Variants in CNTN6 observed in about 807,000 individuals in gnomAD.
CNTN6 encodes contactin 6, also known as contactin-6.
In CNTN6, 137 loss-of-function variants were observed where a neutral mutation model predicts 122.8. The observed-to-expected ratio is 1.12, with a 90% CI of 0.97 to 1.29. The LOEUF (loss-of-function observed/expected upper bound fraction) is 1.29, where lower values mean the gene tolerates loss of function less well. Ranked by LOEUF, CNTN6 falls within the 50% of genes most tolerant of loss-of-function variation. CNTN6 has a pLI of 0.00. For synonymous variants in CNTN6, 570 were observed against 426.0 expected (o/e 1.34, Z -4.16); for missense variants, 1,634 against 1,223.4 (o/e 1.34, Z -5.01).
chr3:1,194,892 A>T (rs1011855227), intron 2 of CNTN6, among the ~76,000 whole-genome samples: 1 of 151,970 alleles, frequency 6.6e-6, no homozygotes, highest in African/African-American at 2.4e-5. Flanking sequence ...TGATGCTTTG[A>T]CATCTAGGGA....
chr3:1,237,814 A>T (rs1441660365), intron 4 of CNTN6, among the ~76,000 whole-genome samples: 1 of 152,184 alleles, frequency 6.6e-6, no homozygotes, highest in Non-Finnish European at 1.5e-5. Context: ...TTCATAAATG[A>T]AGGAAAGACA....
intron 4 of CNTN6, among the ~76,000 whole-genome samples, chr3:1,245,614 A>G (rs2094572516): frequency 6.6e-6 from 1 of 151,132 alleles, no homozygotes; most frequent in Non-Finnish European, 1.5e-5. Context: ...GTACGCCAAA[A>G]TCTCAGAAAT....
chr3:1,375,149 C>T (rs959712218), intron 16 of CNTN6, among the ~76,000 whole-genome samples: 1 of 152,046 alleles, frequency 6.6e-6, no homozygotes, highest in African/African-American at 2.4e-5. Flanking sequence ...CTCCTATATA[C>T]CCCCTGGATC....
intron 1 of CNTN6, among the ~76,000 whole-genome samples, chr3:1,107,135 C>A (rs72995720): frequency 1.3e-5 from 2 of 151,890 alleles, no homozygotes; most frequent in Non-Finnish European, 2.9e-5. Flanking sequence ...CAGACACGTC[C>A]AAAATATTAT....
intron 1 of CNTN6, among the ~76,000 whole-genome samples, chr3:1,093,611 C>T (rs1341222024): frequency 1.3e-5 from 2 of 151,014 alleles, no homozygotes; most frequent in Non-Finnish European, 2.9e-5. Flanking sequence ...ATAAAGTTTC[C>T]TAGGGGAGAA....
chr3:1,384,344 G>T (rs1007664702), intron 19 of CNTN6, among the ~76,000 whole-genome samples: 3 of 147,262 alleles, frequency 2.0e-5, no homozygotes, highest in African/African-American at 8.1e-5. Context: ...TTACACCATG[G>T]AAGAATTTCA....
intron 19 of CNTN6, among the ~76,000 whole-genome samples, chr3:1,385,105 G>A (rs1692658623): frequency 6.6e-6 from 1 of 151,764 alleles, no homozygotes; most frequent in Non-Finnish European, 1.5e-5. Context: ...TAGATGATAA[G>A]GGGCTTGAAA....
rs545591340 is a variant in CNTN6 at position 1,283,158 on chromosome 3, G to C, written c.454+4650G>C. On this transcript the variant is annotated intron_variant, in intron 5 of 22. Transcript: ENST00000446702. ...CAGCTAATTTTTTATATTTTTAGTAGAGACAGGGTGGGTCTCCAACTCCTG... is the reference window on the plus strand; with the variant it reads ...CAGCTAATTTTTTATATTTTTAGTACAGACAGGGTGGGTCTCCAACTCCTG... 3.9e-5 allele frequency among the ~76,000 whole-genome samples: 6 copies of C among 152,120 alleles called. No homozygotes were observed. In the East Asian group the frequency reaches 7.8e-4, roughly 20 times the overall value.
rs551792801 is a variant in CNTN6, at chr3:1,329,127, T to C, written c.1214-658T>C. On this transcript the variant is annotated intron_variant, in intron 10 of 22. Transcript: ENST00000446702. ...CGTATATATGTATATGTGTGTGTGT[T>C]TCTTCAACATCATATGTTCCATTGC... Among the ~76,000 whole-genome samples, 4 of 151,290 alleles carry C rather than the reference T, an allele frequency of 2.6e-5. No individual in the cohort carries two copies. The East Asian group carries it at 7.9e-4, about 30-fold the overall frequency.
chr3:1,288,017 C>T (rs1241927570), intron 5 of CNTN6, among the ~76,000 whole-genome samples: 1 of 152,066 alleles, frequency 6.6e-6, no homozygotes, highest in African/African-American at 2.4e-5. Context: ...GTCTTGAATC[C>T]CTTCCTGTGA....
At chr3:1,110,557 A>G (rs987757168) in intron 1 of CNTN6, among the ~76,000 whole-genome samples, 4 of 152,160 alleles carry the variant, frequency 2.6e-5, no homozygotes, top group Non-Finnish European at 5.9e-5. Flanking sequence ...ATTTGGGGAA[A>G]AAGAAATTCC....
chr3:1,390,363 G>A (rs1693933435), intron 20 of CNTN6, among the ~76,000 whole-genome samples: 1 of 151,680 alleles, frequency 6.6e-6, no homozygotes, highest in Non-Finnish European at 1.5e-5. Context: ...TGAAACCAAT[G>A]AGAACAAAGA....
intron 12 of CNTN6, among the ~76,000 whole-genome samples, chr3:1,358,606 G>A (rs1261205851): frequency 6.6e-6 from 1 of 151,960 alleles, no homozygotes; most frequent in Non-Finnish European, 1.5e-5. Flanking sequence ...GGGTTGAAGG[G>A]CGTGGAAGGG....
At chr3:1,316,485 C>T (rs150584859) in intron 7 of CNTN6, among the ~76,000 whole-genome samples, 20 of 151,946 alleles carry the variant, frequency 1.3e-4, no homozygotes, top group East Asian at 3.9e-4. Flanking sequence ...AACAGCACCA[C>T]GGAGATAGTG....
intron 2 of CNTN6, among the ~76,000 whole-genome samples, chr3:1,203,642 C>T (rs556912869): frequency 1.2e-4 from 19 of 152,204 alleles, no homozygotes; most frequent in Non-Finnish European, 2.4e-4. Flanking sequence ...AAACATGAAG[C>T]GTGGTTGATG....
intron 4 of CNTN6, among the ~76,000 whole-genome samples, chr3:1,231,924 T>C (rs529806845): frequency 6.6e-6 from 1 of 152,322 alleles, no homozygotes; most frequent in Admixed American, 6.5e-5. Context: ...TTGTAGCTGC[T>C]TTCAATTTCT....
Position 1,294,324 on chromosome 3 carries a change from TAAATG to T in CNTN6, c.455-1273_455-1269del, listed in dbSNP as rs1359134071. 3.3e-5 allele frequency among the ~76,000 whole-genome samples: 5 copies of T among 152,228 alleles called. 1 individual carries two copies. Among genetic ancestry groups the T allele is most frequent in the African/African-American group, 9.6e-5 (4 of 41,532 alleles). On this transcript the variant is annotated intron_variant, in intron 5 of 22. Coordinates refer to ENST00000446702, the MANE Select transcript of CNTN6 (RefSeq NM_001289080.2). Reference sequence around the variant, plus strand: ...CAATAGGTGAACCTTAAAATTATGTTAAATGAAAGAATTCAGACATAAAATAGTAC... The same window carrying T: ...CAATAGGTGAACCTTAAAATTATGTTAAAGAATTCAGACATAAAATAGTAC...
At chr3:1,403,246 G>A (rs1695958611) in intron 22 of CNTN6, 72 bp from the exon 23 acceptor site, 1 of 873,738 alleles carries the variant, frequency 1.1e-6, no homozygotes, top group Non-Finnish European at 1.8e-6. Context: ...ATGAAATTGG[G>A]GTTTTGAAAA....
chr3:1,282,109 G>C (rs912705105), intron 5 of CNTN6, among the ~76,000 whole-genome samples: 5 of 152,082 alleles, frequency 3.3e-5, no homozygotes, highest in African/African-American at 1.2e-4. Flanking sequence ...AAACAGAAAA[G>C]TGTCTAGATG....
Sources: gnomAD v4.1 joint callset for allele counts (sites outside exome capture counted in the v4.1 genomes callset) on GRCh38, gnomAD v4.1.1 for gene constraint, MANE v1.5 for transcripts, NCBI Gene and HGNC (gene_info 2026-07-23, HGNC 2026-07-21) for gene names.